GRM2: variants seen among roughly 807,000 people sequenced by gnomAD.
GRM2 encodes the protein glutamate metabotropic receptor 2, also known as metabotropic glutamate receptor 2.
A neutral mutation model predicts 60.4 loss-of-function variants in GRM2; 35 were observed. The observed-to-expected ratio is 0.58, with a 90% CI of 0.44 to 0.77. GRM2 has a LOEUF of 0.77. Among genes scored for constraint, GRM2 ranks in the 30% least tolerant of loss-of-function variants. The pLI, the probability that GRM2 is intolerant of heterozygous loss-of-function variation, is 0.00. For missense variants in GRM2, 925 were observed against 1,199.5 expected (o/e 0.77, Z 3.38); for synonymous variants, 437 against 484.1 (o/e 0.90, Z 1.28).
Position 51,717,932 on chromosome 3 carries a change from G to C in GRM2, c.2546-107G>C, listed in dbSNP as rs1703965410. The C allele has an allele frequency of 1.4e-6, 2 of 1,417,124 alleles. No individual in the cohort carries two copies. The highest frequency in any genetic ancestry group is 2.8e-5 in the African/African-American group (2 of 71,054). The allele number at this position is 1,417,124 out of a possible 1,614,324, so 87.8% of individuals were successfully genotyped here. ...CCCCCCAAATGACACTGGCAGGAGA[G>C]GACAGGAGAGGGGAGGGGAGGCTTC... On this transcript the variant is annotated intron_variant, in intron 5 of 5. Transcript: ENST00000395052. The surrounding 1 kb of genome is among the most constrained non-coding windows in gnomAD (Gnocchi z 6.0).
rs370025249 is a variant in GRM2, at chr3:51,718,153, C to G, written c.*41C>G. 1.7e-4 allele frequency: 264 copies of G among 1,545,150 alleles called. No individual in the cohort carries two copies. Among genetic ancestry groups the G allele is most frequent in the Non-Finnish European group, 2.3e-4 (261 of 1,117,104 alleles). On this transcript the variant is annotated 3_prime_UTR_variant, in exon 6 of 6. Coordinates refer to ENST00000395052, the MANE Select transcript of GRM2 (RefSeq NM_000839.5). This position sits in a 1 kb window ranked among gnomAD's most constrained non-coding sequence, Gnocchi z 4.2. Reference sequence around the variant, plus strand: ...GCCCTGACACAGCTGCTCCTGGGAACCTAGTGCAGACCCACGTCCAGGGCC... The same window carrying G: ...GCCCTGACACAGCTGCTCCTGGGAAGCTAGTGCAGACCCACGTCCAGGGCC...
rs1314397525 is a variant in GRM2 at position 51,709,289 on chromosome 3, A to G, written c.306A>G (p.Ala102=). Residue 102 remains alanine, a synonymous_variant, in exon 2 of 6, where the codon GCA becomes GCG. Coordinates refer to ENST00000395052, the MANE Select transcript of GRM2 (RefSeq NM_000839.5). ...AGGACACACATGCGCTGGAGCAGGC[A>G]CTGGACTTTGTGCGTGCCTCACTCA... ...CSKDTHALEQ[A]LDFVRASLSR... is the part of the protein sequence containing the mutation. The G allele has an allele frequency of 2.5e-6, 4 of 1,604,126 alleles. No individual in the cohort carries two copies. The Admixed American group carries it at 5.0e-5, about 20-fold the overall frequency.
At chr3:51,708,779 C>G in intron 1 of GRM2, 69 bp from the exon 2 acceptor site, 1 of 512,640 alleles carries the variant, frequency 2.0e-6, no homozygotes, top group African/African-American at 1.9e-5. Flanking sequence ...GAGGCAGAGT[C>G]AGAAGGGGCA....
Position 51,718,074 on chromosome 3 carries a change from G to T in GRM2, c.2581G>T (p.Gly861Cys), listed in dbSNP as rs747737086. 3 of 1,614,054 alleles carry T rather than the reference G, an allele frequency of 1.9e-6. No homozygotes were observed. In the African/African-American group the frequency reaches 4.0e-5, roughly 22 times the overall value. The change falls in exon 6 of 6, where the codon GGC (glycine) becomes TGC (cysteine). Residue 861 changes from glycine (G) to cysteine (C), a missense_variant. Physicochemically the swap from Gly to Cys is radical, Grantham distance 159. Coordinates refer to ENST00000395052, the MANE Select transcript of GRM2 (RefSeq NM_000839.5). This position sits in a 1 kb window ranked among gnomAD's most constrained non-coding sequence, Gnocchi z 4.2. Reference protein sequence around the residue: ...GSQFVPTVCNGREVVDSTTSS... With the variant: ...GSQFVPTVCNCREVVDSTTSS... The stretch of plus-strand genomic sequence containing the variant: ...CCAGTTTGTCCCCACTGTTTGCAAT[G>T]GCCGTGAGGTGGTGGACTCGACAAC...
chr3:51,715,511 C>T lies in GRM2; in HGVS notation c.1738C>T (p.Leu580=), dbSNP rs1264169545. The T allele has an allele frequency of 2.5e-6, 4 of 1,613,376 alleles. No homozygotes were observed. The Admixed American group carries it at 5.0e-5, about 20-fold the overall frequency. Residue 580 remains leucine (L), a synonymous_variant, in exon 4 of 6, where the codon CTG becomes TTG. Coordinates refer to ENST00000395052, the MANE Select transcript of GRM2 (RefSeq NM_000839.5). This position sits in a 1 kb window ranked among gnomAD's most constrained non-coding sequence, Gnocchi z 9.0. ...GPVTIACLGA[L]ATLFVLGVFV... is the part of the protein sequence containing the mutation. Reference sequence around the variant, plus strand: ...TGTCACCATCGCCTGCCTCGGTGCCCTGGCCACCCTCTTTGTGCTGGGTGT... The same window carrying T: ...TGTCACCATCGCCTGCCTCGGTGCCTTGGCCACCCTCTTTGTGCTGGGTGT...
Position 51,712,481 on chromosome 3 carries a change from C to T in GRM2, c.459C>T (p.Asn153=), listed in dbSNP as rs543123976. Residue 153 remains asparagine, a synonymous_variant, in exon 3 of 6, where the codon AAC becomes AAT. Transcript: ENST00000395052. The surrounding 1 kb of genome is among the most constrained non-coding windows in gnomAD (Gnocchi z 5.3). ...CTCTACTCCTCCCCCAGGTGGCCAA[C>T]CTCTTGAGGCTATTTCAGATCCCAC... The part of the protein sequence containing the change: ...SYSDVSIQVA[N]LLRLFQIPQI... The T allele has an allele frequency of 1.5e-5, 24 of 1,609,448 alleles. No individual in the cohort carries two copies. The highest frequency in any genetic ancestry group is 2.0e-5 in the Non-Finnish European group (24 of 1,176,444).
chr3:51,709,566 A>G, intron 2 of GRM2, 133 bp downstream of exon 2: 1 of 642,462 alleles, frequency 1.6e-6, no homozygotes, highest in East Asian at 2.8e-5. Context: ...AGTAGCTTTT[A>G]CAGAAGCTAA....
rs146618277 is a variant in GRM2, at chr3:51,717,143, C to T, written c.2365-494C>T. On this transcript the variant is annotated intron_variant, in intron 4 of 5. Transcript: ENST00000395052. The surrounding 1 kb of genome is among the most constrained non-coding windows in gnomAD (Gnocchi z 6.0). ...ATGCACACACACACACACACTTGTA[C>T]ACACAGACATAGCCACATGCATGCA... is the stretch of plus-strand genomic sequence containing the variant. Among the ~76,000 whole-genome samples the T allele has an allele frequency of 1.6e-3, 241 of 151,210 alleles. 4 individuals are homozygous for T. Among genetic ancestry groups the T allele is most frequent in the Middle Eastern group, 3.4e-3 (1 of 294 alleles).
Position 51,717,932 on chromosome 3 carries a change from G to A in GRM2, c.2546-107G>A. 2 of 1,417,242 alleles carry A rather than the reference G, an allele frequency of 1.4e-6. No homozygotes were observed. The highest frequency in any genetic ancestry group is 2.0e-6 in the Non-Finnish European group (2 of 1,001,236). The allele number at this position is 1,417,242 out of a possible 1,614,324, so 87.8% of individuals were successfully genotyped here. A position where few individuals can be genotyped will look rare whatever the true frequency, so the allele number is the denominator to read the frequency against. ...CCCCCCAAATGACACTGGCAGGAGAGGACAGGAGAGGGGAGGGGAGGCTTC... is the reference window on the plus strand; with the variant it reads ...CCCCCCAAATGACACTGGCAGGAGAAGACAGGAGAGGGGAGGGGAGGCTTC... On this transcript the variant is annotated intron_variant, in intron 5 of 5. Transcript: ENST00000395052. This position sits in a 1 kb window ranked among gnomAD's most constrained non-coding sequence, Gnocchi z 6.0.
Position 51,717,912 on chromosome 3 carries a change from C to G in GRM2, c.2545+95C>G, listed in dbSNP as rs1703964216. The G allele has an allele frequency of 4.9e-6, 7 of 1,434,316 alleles. No individual in the cohort carries two copies. The highest frequency in any genetic ancestry group is 5.9e-6 in the Non-Finnish European group (6 of 1,018,440). 88.8% of individuals were successfully genotyped at this position (1,434,316 alleles called of 1,614,324 possible). On this transcript the variant is annotated intron_variant, in intron 5 of 5. Transcript: ENST00000395052. This position sits in a 1 kb window ranked among gnomAD's most constrained non-coding sequence, Gnocchi z 6.0. ...TCTTGTCTGGGGGTGAGGTGCCCCC[C>G]AAATGACACTGGCAGGAGAGGACAG...
In GRM2 at chr3:51,715,232, T is replaced by C; in HGVS notation, c.1459T>C (p.Trp487Arg). 6.2e-7 allele frequency: 1 copy of C among 1,612,734 alleles called. No individual in the cohort carries two copies. The highest frequency in any genetic ancestry group is 8.5e-7 in the Non-Finnish European group (1 of 1,179,100). ...GLTLDTSLIP[W>R]ASPSAGPLPA... ...GACTCTGGACACCAGCCTCATCCCA[T>C]GGGCCTCACCCTCAGCCGGCCCCCT... Residue 487 changes from tryptophan (W) to arginine (R), a missense_variant, in exon 4 of 6, where the codon TGG becomes CGG. Trp to Arg is a moderately radical substitution (Grantham distance 101). Coordinates refer to ENST00000395052, the MANE Select transcript of GRM2 (RefSeq NM_000839.5). This position sits in a 1 kb window ranked among gnomAD's most constrained non-coding sequence, Gnocchi z 9.0.
intron 2 of GRM2, among the ~76,000 whole-genome samples, chr3:51,711,937 G>A (rs75002474): frequency 6.6e-6 from 1 of 152,372 alleles, no homozygotes; most frequent in East Asian, 1.9e-4. Context: ...GAACGTTTAA[G>A]ACTCAGGCAT....
At position 51,715,552 on chromosome 3, in the gene GRM2, T is replaced by C. The variant is rs745779468; in HGVS notation, c.1779T>C (p.Asn593=). Reference sequence around the variant, plus strand: ...TGCTGGGTGTCTTTGTGCGGCACAATGCCACACCAGTGGTCAAGGCCTCAG... The same window carrying C: ...TGCTGGGTGTCTTTGTGCGGCACAACGCCACACCAGTGGTCAAGGCCTCAG... ...LFVLGVFVRH[N]ATPVVKASGR... is the part of the protein sequence containing the mutation. Residue 593 remains asparagine, a synonymous_variant, in exon 4 of 6, where the codon AAT becomes AAC. Coordinates refer to ENST00000395052, the MANE Select transcript of GRM2 (RefSeq NM_000839.5). The surrounding 1 kb of genome is among the most constrained non-coding windows in gnomAD (Gnocchi z 9.0). 2 of 1,613,990 alleles carry C rather than the reference T, an allele frequency of 1.2e-6. No individual in the cohort carries two copies. The highest frequency in any genetic ancestry group is 2.2e-5 in the South Asian group (2 of 91,090).
chr3:51,717,673 A>G lies in GRM2; in HGVS notation c.2401A>G (p.Ser801Gly). The change falls in exon 5 of 6, where the codon AGC becomes GGC. Residue 801 changes from serine (S) to glycine (G), a missense_variant. Ser to Gly is a moderately conservative substitution (Grantham distance 56, BLOSUM62 0). Transcript: ENST00000395052. The surrounding 1 kb of genome is among the most constrained non-coding windows in gnomAD (Gnocchi z 6.0). ...CACCATGTGCGTGTCAGTCAGCCTC[A>G]GCGGCTCCGTGGTGCTTGGCTGCCT... The part of the protein sequence containing the change: ...TTTMCVSVSL[S>G]GSVVLGCLFA... 1 of 1,613,888 alleles carries G rather than the reference A, an allele frequency of 6.2e-7. No individual in the cohort carries two copies. Among genetic ancestry groups the G allele is most frequent in the Non-Finnish European group, 8.5e-7 (1 of 1,179,998 alleles).
Position 51,713,271 on chromosome 3 carries a change from C to T in GRM2, c.1249C>T (p.Arg417Cys), listed in dbSNP as rs561666712. 1.3e-5 allele frequency: 21 copies of T among 1,612,576 alleles called. No homozygotes were observed. Among genetic ancestry groups the T allele is most frequent in the South Asian group, 2.2e-5 (2 of 91,030 alleles). ...CGCGATGCGGCCAGTTAACGGGCGC[C>T]GCCTCTACAAGGACTTTGTGCTCAA... Reference protein sequence around the residue: ...CDAMRPVNGRRLYKDFVLNVK... With the variant: ...CDAMRPVNGRCLYKDFVLNVK... The change falls in exon 3 of 6, where the codon CGC becomes TGC. Residue 417 changes from arginine to cysteine, a missense_variant. Transcript: ENST00000395052. This position sits in a 1 kb window ranked among gnomAD's most constrained non-coding sequence, Gnocchi z 4.8.
At chr3:51,714,079 G>C (rs1020271367) in intron 3 of GRM2, 1 of 403,250 alleles carries the variant, frequency 2.5e-6, no homozygotes, top group African/African-American at 2.1e-5. Context: ...GGGAACAGTG[G>C]GAGACAAAGC....
rs1703959944 is a variant in GRM2, at chr3:51,717,818, G to T, written c.2545+1G>T. On this transcript the variant is annotated splice_donor_variant, in intron 5 of 5. Coordinates refer to ENST00000395052, the MANE Select transcript of GRM2 (RefSeq NM_000839.5). LOFTEE classifies it high-confidence loss of function. The surrounding 1 kb of genome is among the most constrained non-coding windows in gnomAD (Gnocchi z 6.0). ...AGGGCCAGCTCCAGCCTTGGCCAAG[G>T]TCAGTGTCCTAAGCAGCCCTCTCTG... 1 of 1,613,450 alleles carries T rather than the reference G, an allele frequency of 6.2e-7. No individual in the cohort carries two copies. Among genetic ancestry groups the T allele is most frequent in the Non-Finnish European group, 8.5e-7 (1 of 1,179,680 alleles).
Position 51,715,884 on chromosome 3 carries a change from G to A in GRM2, c.2111G>A (p.Gly704Asp), listed in dbSNP as rs1703879222. The change falls in exon 4 of 6, where the codon GGC becomes GAC. Residue 704 changes from glycine to aspartate, a missense_variant. Gly to Asp is a moderately conservative substitution (Grantham distance 94). Coordinates refer to ENST00000395052, the MANE Select transcript of GRM2 (RefSeq NM_000839.5). This position sits in a 1 kb window ranked among gnomAD's most constrained non-coding sequence, Gnocchi z 9.0. ...VVAWLVVEAP[G>D]TGKETAPERR... ...GCCTGGCTGGTGGTGGAGGCACCGG[G>A]CACAGGCAAGGAGACAGCCCCCGAA... The A allele has an allele frequency of 3.1e-6, 5 of 1,613,294 alleles. No individual in the cohort carries two copies. The highest frequency in any genetic ancestry group is 4.2e-6 in the Non-Finnish European group (5 of 1,179,914).
intron 1 of GRM2, chr3:51,707,501 C>T (rs569221179): frequency 1.3e-5 from 2 of 153,774 alleles, no homozygotes; most frequent in African/African-American, 4.8e-5. Context: ...GGCTGTCTGA[C>T]TCCGGGTTTC....
Sources: gnomAD v4.1 joint callset for allele counts (sites outside exome capture counted in the v4.1 genomes callset) on GRCh38, gnomAD v4.1.1 for gene constraint, Gnocchi (gnomAD v3.1) non-coding constraint, MANE v1.5 for transcripts, NCBI Gene and HGNC (gene_info 2026-07-23, HGNC 2026-07-21) for gene names.